The following CCDC126 variants were observed in gnomAD, a reference collection of about 807,000 sequenced individuals.
The protein encoded by CCDC126 is coiled-coil domain containing 126.
A neutral mutation model predicts 11.7 loss-of-function variants in CCDC126; 5 were observed. The ratio of observed to expected loss-of-function variants is 0.43; its 90% confidence interval spans 0.22 to 0.90. The LOEUF is 0.90. Ranked by LOEUF, CCDC126 falls within the 40% of genes least tolerant of loss-of-function variation. The pLI is 0.27. For synonymous variants in CCDC126, 60 were observed against 61.9 expected, an observed-to-expected ratio of 0.97 and a Z score of 0.14; for missense variants, 150 against 163.1, an observed-to-expected ratio of 0.92 and a Z score of 0.44.
At chr7:23,616,016 C>A (rs917550915) in intron 3 of CCDC126, among the ~76,000 whole-genome samples, 7 of 152,188 alleles carry the variant, frequency 4.6e-5, no homozygotes, top group African/African-American at 1.7e-4. Context: ...TGCAAACATT[C>A]AATTGTAAAA....
At chr7:23,608,986 C>T (rs542003741) in intron 2 of CCDC126, among the ~76,000 whole-genome samples, 146 of 152,090 alleles carry the variant, frequency 9.6e-4, no homozygotes, top group Non-Finnish European at 1.8e-3. Context: ...CACCGAGTCA[C>T]TTCCTAGGTG....
chr7:23,601,643 C>T (rs1233586759), intron 2 of CCDC126, among the ~76,000 whole-genome samples: 1 of 152,102 alleles, frequency 6.6e-6, no homozygotes, highest in Non-Finnish European at 1.5e-5. Context: ...CTTTGTGCTT[C>T]ATTTTCCTTA....
At chr7:23,621,689 C>A (rs1004996456) in intron 3 of CCDC126, among the ~76,000 whole-genome samples, 1 of 152,110 alleles carries the variant, frequency 6.6e-6, no homozygotes, top group African/African-American at 2.4e-5. Flanking sequence ...CAGTTTTTGC[C>A]CATTCAGTAT....
chr7:23,621,052 G>A (rs1325525132), intron 3 of CCDC126, among the ~76,000 whole-genome samples: 3 of 152,186 alleles, frequency 2.0e-5, no homozygotes, highest in Admixed American at 6.5e-5. Flanking sequence ...GGACTGACTT[G>A]GCAATGCGGG....
At chr7:23,617,838 T>C (rs1355819898) in intron 3 of CCDC126, among the ~76,000 whole-genome samples, 1 of 152,234 alleles carries the variant, frequency 6.6e-6, no homozygotes, top group African/African-American at 2.4e-5. Flanking sequence ...ATAAATACTT[T>C]ATTTTCAATC....
intron 3 of CCDC126, among the ~76,000 whole-genome samples, chr7:23,627,443 C>T (rs771689842): frequency 6.6e-5 from 10 of 151,762 alleles, no homozygotes; most frequent in African/African-American, 1.2e-4. Context: ...AGCAGGCACC[C>T]GTAGTCCCAG....
At position 23,630,126 on chromosome 7, in the gene CCDC126, A is replaced by C. The variant is rs114879006; in HGVS notation, c.239-12805A>C. On this transcript the variant is annotated intron_variant, in intron 3 of 3. Transcript: ENST00000307471. The stretch of plus-strand genomic sequence containing the variant: ...TTGTACATAAAAAGTTTACATATTG[A>C]CATATGCAGAATGCTCTGTTTATCC... Among the ~76,000 whole-genome samples, 1,203 of 152,370 alleles carry C rather than the reference A, an allele frequency of 7.9e-3. 18 individuals carry two copies. The highest frequency in any genetic ancestry group is 0.027 in the African/African-American group (1,126 of 41,578).
chr7:23,618,310 C>G (rs529123911), intron 3 of CCDC126, among the ~76,000 whole-genome samples: 3 of 152,300 alleles, frequency 2.0e-5, no homozygotes, highest in South Asian at 4.1e-4. Context: ...ATCCCCAACT[C>G]TCTAATCACA....
At chr7:23,620,675 T>A (rs1023143977) in intron 3 of CCDC126, among the ~76,000 whole-genome samples, 2 of 152,098 alleles carry the variant, frequency 1.3e-5, no homozygotes, top group Non-Finnish European at 1.5e-5. Context: ...CTGAATGGTA[T>A]TGCCTAGGTT....
intron 3 of CCDC126, among the ~76,000 whole-genome samples, chr7:23,623,628 AG>A (rs375669627): frequency 1.3e-5 from 2 of 151,832 alleles, no homozygotes; most frequent in African/African-American, 4.8e-5. Context: ...TGATGGTCAA[AG>A]GGTACAAAAT....
intron 3 of CCDC126, among the ~76,000 whole-genome samples, chr7:23,622,064 A>C (rs181243729): frequency 2.0e-5 from 3 of 152,122 alleles, no homozygotes; most frequent in Admixed American, 2.0e-4. Context: ...TGTCTCTGCC[A>C]GGCTTTGGTA....
At chr7:23,603,763 A>G (rs1214955545) in intron 2 of CCDC126, among the ~76,000 whole-genome samples, 1 of 151,944 alleles carries the variant, frequency 6.6e-6, no homozygotes, top group Non-Finnish European at 1.5e-5. Context: ...TGCGTGGGAG[A>G]AGGTGGGGTT....
At chr7:23,625,351 A>G (rs1340988007) in intron 3 of CCDC126, among the ~76,000 whole-genome samples, 2 of 152,168 alleles carry the variant, frequency 1.3e-5, no homozygotes, top group African/African-American at 4.8e-5. Context: ...TGCACACGTT[A>G]AATTTAATAG....
chr7:23,621,688 C>T (rs888063576), intron 3 of CCDC126, among the ~76,000 whole-genome samples: 1 of 152,106 alleles, frequency 6.6e-6, no homozygotes, highest in African/African-American at 2.4e-5. Context: ...CCAGTTTTTG[C>T]CCATTCAGTA....
intron 2 of CCDC126, 43 bp from the exon 3 acceptor site, chr7:23,611,128 A>G (rs954982836): frequency 1.9e-6 from 1 of 513,004 alleles, no homozygotes; most frequent in Non-Finnish European, 3.5e-6. Flanking sequence ...TCTGTTACTG[A>G]TACAGATTAA....
intron 3 of CCDC126, among the ~76,000 whole-genome samples, chr7:23,639,354 G>A (rs1472902725): frequency 1.3e-5 from 2 of 151,948 alleles, no homozygotes; most frequent in Non-Finnish European, 2.9e-5. Flanking sequence ...ATCACGCCTG[G>A]GCTAATTTTT....
intron 3 of CCDC126, among the ~76,000 whole-genome samples, chr7:23,636,733 G>A (rs1265967146): frequency 6.8e-6 from 1 of 146,694 alleles, no homozygotes. Context: ...AGTGAGGAGC[G>A]TCTCCGCCCG....
intron 3 of CCDC126, among the ~76,000 whole-genome samples, chr7:23,618,067 G>A (rs369543444): frequency 7.2e-5 from 11 of 152,178 alleles, no homozygotes; most frequent in Non-Finnish European, 1.6e-4. Context: ...GGGAGGGTAC[G>A]AGATGCAGTT....
chr7:23,641,374 G>T lies in CCDC126; in HGVS notation c.239-1557G>T, dbSNP rs1040374124. 2.0e-5 allele frequency among the ~76,000 whole-genome samples: 3 copies of T among 152,124 alleles called. No individual in the cohort carries two copies. The South Asian group carries it at 6.2e-4, about 31-fold the overall frequency. On this transcript the variant is annotated intron_variant, in intron 3 of 3. Transcript: ENST00000307471. ...TGATTTATCTTTTTGTTCGTGAATT[G>T]TAAGAGATCTTTATATATTCTAGGT...
Sources: gnomAD v4.1 joint callset for allele counts (sites outside exome capture counted in the v4.1 genomes callset) on GRCh38, gnomAD v4.1.1 for gene constraint, MANE v1.5 for transcripts, NCBI Gene and HGNC (gene_info 2026-07-23, HGNC 2026-07-21) for gene names.